Variants in MED27 observed in about 807,000 individuals in gnomAD.
MED27 encodes the protein mediator complex subunit 27.
Under a neutral mutation model 38.2 loss-of-function variants are expected in MED27, and 30 were observed. The ratio of observed to expected loss-of-function variants is 0.79; its 90% confidence interval spans 0.59 to 1.07. The LOEUF is 1.07. Among genes scored for constraint, MED27 ranks in the 50% least tolerant of loss-of-function variants. The pLI, the probability that MED27 is intolerant of heterozygous loss-of-function variation, is 0.00. For missense variants in MED27, 289 were observed against 397.5 expected (o/e 0.73, Z 2.32); for synonymous variants, 122 against 153.5 (o/e 0.79, Z 1.52).
chr9:132,071,439 CATAA>C (rs926273044), intron 2 of MED27, among the ~76,000 whole-genome samples: 16 of 151,322 alleles, frequency 1.1e-4, no homozygotes, highest in African/African-American at 3.6e-4. Flanking sequence ...ACAGGTGCCT[CATAA>C]ATGAGCACAC....
At chr9:131,890,910 T>C (rs977445651) in intron 5 of MED27, among the ~76,000 whole-genome samples, 3 of 152,248 alleles carry the variant, frequency 2.0e-5, no homozygotes, top group Non-Finnish European at 1.5e-5. Flanking sequence ...GACCAACGTA[T>C]GTTAGTATTG....
intron 3 of MED27, among the ~76,000 whole-genome samples, chr9:131,980,746 A>T (rs925347061): frequency 2.0e-3 from 280 of 141,838 alleles, no homozygotes; most frequent in African/African-American, 6.8e-3. Context: ...AGTCCCATTT[A>T]AAAAAAAAAA....
chr9:132,071,871 C>A (rs558885748), intron 2 of MED27, among the ~76,000 whole-genome samples: 2 of 151,602 alleles, frequency 1.3e-5, no homozygotes, highest in African/African-American at 2.4e-5. Flanking sequence ...CACACACACA[C>A]GCATAACACG....
At position 132,065,086 on chromosome 9, in the gene MED27, A is replaced by G. The variant is rs191331197; in HGVS notation, c.348+12356T>C. Among the ~76,000 whole-genome samples, 43 of 152,348 alleles carry G rather than the reference A, an allele frequency of 2.8e-4. No individual in the cohort carries two copies. The East Asian group carries it at 7.9e-3, about 28-fold the overall frequency. On this transcript the variant is annotated intron_variant, in intron 2 of 7. Transcript: ENST00000292035. ...GACAGGATATTTCCTAGCAAAAAGC[A>G]CACTACCCAAAAACACAGTTTGGAA...
At chr9:131,885,638 T>C (rs1391163989) in intron 5 of MED27, among the ~76,000 whole-genome samples, 1 of 152,210 alleles carries the variant, frequency 6.6e-6, no homozygotes, top group East Asian at 1.9e-4. Flanking sequence ...CACAGGGTAC[T>C]TCAGTAGCTC....
chr9:131,926,332 C>T (rs1245815489), intron 4 of MED27, among the ~76,000 whole-genome samples: 2 of 152,190 alleles, frequency 1.3e-5, no homozygotes, highest in African/African-American at 4.8e-5. Flanking sequence ...AGAGCTGGGA[C>T]TTACCAAAAA....
intron 5 of MED27, 110 bp from the exon 6 acceptor site, chr9:131,884,209 A>G: frequency 1.3e-6 from 1 of 751,904 alleles, no homozygotes; most frequent in Non-Finnish European, 2.0e-6. Flanking sequence ...AAAAAATCTG[A>G]TTATAGAATA....
At position 131,874,951 on chromosome 9, in the gene MED27, C is replaced by G. The variant is rs78911395; in HGVS notation, c.723+9107G>C. Among the ~76,000 whole-genome samples, 126 of 152,336 alleles carry G rather than the reference C, an allele frequency of 8.3e-4. 1 individual carries two copies. In the East Asian group the frequency reaches 0.023, roughly 27 times the overall value. On this transcript the variant is annotated intron_variant, in intron 6 of 7. Transcript: ENST00000292035. Reference sequence around the variant, plus strand: ...TCCCAGGAAAACACAGACAATACCACCTACTTCTCCATCAAACTTGAGGCA... The same window carrying G: ...TCCCAGGAAAACACAGACAATACCAGCTACTTCTCCATCAAACTTGAGGCA...
Position 132,009,202 on chromosome 9 carries a change from T to C in MED27, c.479+5135A>G, listed in dbSNP as rs372909062. 3.9e-5 allele frequency among the ~76,000 whole-genome samples: 6 copies of C among 152,350 alleles called. No individual in the cohort carries two copies. In the East Asian group the frequency reaches 7.7e-4, roughly 20 times the overall value. On this transcript the variant is annotated intron_variant, in intron 3 of 7. Transcript: ENST00000292035. ...CACAGTGCATAGAACCAAGCATTTG[T>C]AGGCCCTGAGTAAATATTTACTGAA...
chr9:131,880,031 G>A (rs771344140), intron 6 of MED27, among the ~76,000 whole-genome samples: 2 of 152,242 alleles, frequency 1.3e-5, no homozygotes, highest in Non-Finnish European at 2.9e-5. Flanking sequence ...ACCTCTGCAC[G>A]TAGTGCAGGG....
intron 3 of MED27, among the ~76,000 whole-genome samples, chr9:131,989,376 C>T (rs1831923269): frequency 1.3e-5 from 2 of 152,214 alleles, no homozygotes; most frequent in Admixed American, 6.5e-5. Context: ...TTTCTCCTAA[C>T]CTTTTATTCC....
intron 6 of MED27, among the ~76,000 whole-genome samples, chr9:131,880,681 C>G (rs1839020690): frequency 6.6e-6 from 1 of 152,176 alleles, no homozygotes; most frequent in African/African-American, 2.4e-5. Flanking sequence ...TCCTAAATCT[C>G]TCCAACTAGA....
intron 3 of MED27, among the ~76,000 whole-genome samples, chr9:131,987,579 G>A (rs7019115): frequency 8.8e-4 from 134 of 152,174 alleles, no homozygotes; most frequent in African/African-American, 2.5e-3. Flanking sequence ...GAGATCAAAC[G>A]GTTATTCAAA....
intron 3 of MED27, among the ~76,000 whole-genome samples, chr9:131,992,663 A>C (rs1003987221): frequency 6.6e-6 from 1 of 152,134 alleles, no homozygotes; most frequent in African/African-American, 2.4e-5. Context: ...TGGCCTCTCA[A>C]AGAGCTGGGT....
intron 6 of MED27, among the ~76,000 whole-genome samples, chr9:131,876,152 C>T (rs1313093656): frequency 6.6e-6 from 1 of 152,176 alleles, no homozygotes; most frequent in African/African-American, 2.4e-5. Context: ...GGGCTGAGGA[C>T]GGAGACCTGG....
Position 132,079,822 on chromosome 9 carries a change from C to T in MED27, c.23G>A (p.Ser8Asn), listed in dbSNP as rs759576225. ...CTGGGAAAAGGCCTCCAGGTTCACA[C>T]TGACATTTATCACGTCCGCCATGTT... Reference protein sequence around the residue: MADVINVSVNLEAFSQAI... With the variant: MADVINVNVNLEAFSQAI... Residue 8 changes from serine (S) to asparagine (N), a missense_variant, in exon 1 of 8, where the codon AGT (serine) becomes AAT (asparagine). Transcript: ENST00000292035. 1 of 1,605,522 alleles carries T rather than the reference C, an allele frequency of 6.2e-7. No homozygotes were observed. Among genetic ancestry groups the T allele is most frequent in the Non-Finnish European group, 8.5e-7 (1 of 1,176,128 alleles).
At chr9:132,021,771 A>C (rs1047926647) in intron 2 of MED27, among the ~76,000 whole-genome samples, 3 of 152,196 alleles carry the variant, frequency 2.0e-5, no homozygotes, top group Non-Finnish European at 2.9e-5. Flanking sequence ...TAAGGTCATG[A>C]GGGTGAAGGC....
intron 4 of MED27, among the ~76,000 whole-genome samples, chr9:131,899,486 A>G (rs1450823443): frequency 6.6e-6 from 1 of 152,150 alleles, no homozygotes; most frequent in African/African-American, 2.4e-5. Flanking sequence ...CTCCACTTGC[A>G]GGCAGTGTGA....
chr9:131,919,749 T>C (rs935974917), intron 4 of MED27, among the ~76,000 whole-genome samples: 11 of 151,864 alleles, frequency 7.2e-5, no homozygotes, highest in African/African-American at 2.2e-4. Context: ...ATGAATTTTA[T>C]ACTTGAAAGG....
Sources: gnomAD v4.1 joint callset for allele counts (sites outside exome capture counted in the v4.1 genomes callset) on GRCh38, gnomAD v4.1.1 for gene constraint, MANE v1.5 for transcripts, NCBI Gene and HGNC (gene_info 2026-07-23, HGNC 2026-07-21) for gene names.